TUBGCP3: variants seen among roughly 807,000 people sequenced by gnomAD.
The protein encoded by TUBGCP3 is tubulin gamma complex component 3.
A neutral mutation model predicts 123.1 loss-of-function variants in TUBGCP3; 50 were observed. The observed-to-expected ratio is 0.41, with a 90% CI of 0.32 to 0.51. The LOEUF (loss-of-function observed/expected upper bound fraction) is 0.51, where lower values mean the gene tolerates loss of function less well. Ranked by LOEUF, TUBGCP3 falls within the 20% of genes least tolerant of loss-of-function variation. The probability of loss-of-function intolerance (pLI) is 0.36; values close to 1 mark genes in which losing one functional copy is unlikely to be tolerated. For missense variants in TUBGCP3, 882 were observed against 1,127.0 expected (o/e 0.78, Z 3.11); for synonymous variants, 405 against 413.9 (o/e 0.98, Z 0.26).
chr13:112,532,896 T>C (rs191415098), intron 11 of TUBGCP3, among the ~76,000 whole-genome samples: 4 of 152,368 alleles, frequency 2.6e-5, no homozygotes, highest in East Asian at 3.9e-4. Context: ...ATCCTTTTTA[T>C]TGTTAAAAAG....
chr13:112,525,571 C>A (rs1272376841), intron 13 of TUBGCP3, among the ~76,000 whole-genome samples: 1 of 152,138 alleles, frequency 6.6e-6, no homozygotes, highest in Non-Finnish European at 1.5e-5. Context: ...GCAAATACAG[C>A]CAAAACTGGA....
chr13:112,565,219 A>C (rs1180580751), intron 2 of TUBGCP3, 41 bp from the exon 3 acceptor site: 1 of 1,542,932 alleles, frequency 6.5e-7, no homozygotes, highest in Non-Finnish European at 8.9e-7. Flanking sequence ...AACTACAAAC[A>C]CCAAAATTCA....
intron 20 of TUBGCP3, among the ~76,000 whole-genome samples, chr13:112,496,930 G>A (rs1191916460): frequency 6.6e-6 from 1 of 151,074 alleles, no homozygotes; most frequent in Non-Finnish European, 1.5e-5. Context: ...AGCCTGCAGT[G>A]AGCCGAGATC....
intron 11 of TUBGCP3, among the ~76,000 whole-genome samples, chr13:112,539,970 C>A (rs1878377190): frequency 6.9e-6 from 1 of 145,080 alleles, no homozygotes; most frequent in African/African-American, 2.7e-5. Flanking sequence ...ATGTAGTAGC[C>A]TATGAGCCTT....
chr13:112,543,055 C>T (rs1465232633), intron 11 of TUBGCP3, among the ~76,000 whole-genome samples: 1 of 152,166 alleles, frequency 6.6e-6, no homozygotes, highest in Non-Finnish European at 1.5e-5. Flanking sequence ...GAGGCTGAGG[C>T]AGGAGAACTG....
At chr13:112,555,574 C>T (rs898291230) in intron 6 of TUBGCP3, among the ~76,000 whole-genome samples, 1 of 152,204 alleles carries the variant, frequency 6.6e-6, no homozygotes, top group Admixed American at 6.5e-5. Flanking sequence ...GTATTCATCT[C>T]ACCATTCAGT....
chr13:112,566,964 A>AT (rs1426492308), intron 2 of TUBGCP3, among the ~76,000 whole-genome samples: 7 of 152,246 alleles, frequency 4.6e-5, no homozygotes, highest in African/African-American at 1.4e-4. Flanking sequence ...ACTTCTCCAT[A>AT]TTATTCCAAA....
At chr13:112,510,139 G>A (rs889650183) in intron 17 of TUBGCP3, among the ~76,000 whole-genome samples, 4 of 151,992 alleles carry the variant, frequency 2.6e-5, no homozygotes, top group Non-Finnish European at 5.9e-5. Flanking sequence ...ATCTCCTCCC[G>A]CTTGGGCAGC....
chr13:112,576,846 T>C (rs1321744970), intron 1 of TUBGCP3, among the ~76,000 whole-genome samples: 2 of 138,924 alleles, frequency 1.4e-5, no homozygotes, highest in Non-Finnish European at 3.1e-5. Flanking sequence ...GTTTATATGA[T>C]AAAATCTGGA....
rs1566547681 is a variant in TUBGCP3 at position 112,519,838 on chromosome 13, G to A, written c.1881+48C>T. On this transcript the variant is annotated intron_variant, in intron 15 of 21. Coordinates refer to ENST00000261965, the MANE Select transcript of TUBGCP3 (RefSeq NM_006322.6). This position sits in a 1 kb window ranked among gnomAD's most constrained non-coding sequence, Gnocchi z 6.2. ...ACTCGCTAGAACACCCCGGCCCAGTGGGTCCTCGGTGCCGGGGCGGCGTTC... is the reference window on the plus strand; with the variant it reads ...ACTCGCTAGAACACCCCGGCCCAGTAGGTCCTCGGTGCCGGGGCGGCGTTC... The A allele has an allele frequency of 1.3e-6, 2 of 1,591,436 alleles. No individual in the cohort carries two copies. Among genetic ancestry groups the A allele is most frequent in the Non-Finnish European group, 1.7e-6 (2 of 1,167,118 alleles).
rs1396321139 is a variant in TUBGCP3, at chr13:112,494,019, C to T, written c.2449-4322G>A. On this transcript the variant is annotated intron_variant, in intron 20 of 21. Coordinates refer to ENST00000261965, the MANE Select transcript of TUBGCP3 (RefSeq NM_006322.6). ...TAGCTTTGGGAACAGGGCCTGGTGT[C>T]CCTGAGACACTCTAGCTTTGGGAAT... Among the ~76,000 whole-genome samples, 5 of 120,828 alleles carry T rather than the reference C, an allele frequency of 4.1e-5. No homozygotes were observed. In the South Asian group the frequency reaches 1.4e-3, roughly 33 times the overall value. 79.3% of individuals were successfully genotyped at this position (120,828 alleles called of 152,430 possible).
chr13:112,507,963 T>C (rs891802928), intron 17 of TUBGCP3, among the ~76,000 whole-genome samples: 1 of 152,186 alleles, frequency 6.6e-6, no homozygotes, highest in African/African-American at 2.4e-5. Context: ...TGCTACTGAA[T>C]GGCCACAAAA....
intron 9 of TUBGCP3, 130 bp downstream of exon 9, chr13:112,547,978 C>T: frequency 3.3e-6 from 3 of 908,810 alleles, no homozygotes; most frequent in East Asian, 5.4e-5. Context: ...TCAAACCTTA[C>T]AAATAATATT....
At chr13:112,489,041 C>T (rs1879885640) in intron 21 of TUBGCP3, among the ~76,000 whole-genome samples, 1 of 137,568 alleles carries the variant, frequency 7.3e-6, no homozygotes, top group South Asian at 2.4e-4. Context: ...GTCCCCACAT[C>T]CCACCACAGT....
At chr13:112,530,898 G>T (rs1877519049) in intron 11 of TUBGCP3, among the ~76,000 whole-genome samples, 1 of 152,080 alleles carries the variant, frequency 6.6e-6, no homozygotes. Flanking sequence ...CTCTGTATGT[G>T]CTTATGTGAT....
chr13:112,498,687 G>T, intron 20 of TUBGCP3: 1 of 1,328,670 alleles, frequency 7.5e-7, no homozygotes, highest in Non-Finnish European at 1.0e-6. Flanking sequence ...AATGCAGCAT[G>T]GTGCACGATC....
At chr13:112,569,990 C>T (rs1452643458) in intron 1 of TUBGCP3, among the ~76,000 whole-genome samples, 1 of 152,068 alleles carries the variant, frequency 6.6e-6, no homozygotes, top group Admixed American at 6.5e-5. Flanking sequence ...AGAGCCCAGG[C>T]AGGCTCAGGA....
chr13:112,521,519 G>A (rs1459470861), intron 14 of TUBGCP3: 12 of 247,874 alleles, frequency 4.8e-5, no homozygotes, highest in Non-Finnish European at 7.7e-5. Flanking sequence ...TCTGAAGTGG[G>A]CCCACAAGCT....
In TUBGCP3 at chr13:112,558,507, A is replaced by G. The variant is rs989831788; in HGVS notation, c.331-94T>C. The G allele has an allele frequency of 6.2e-6, 7 of 1,127,270 alleles. No individual in the cohort carries two copies. The African/African-American group carries it at 1.1e-4, about 17-fold the overall frequency. The allele number at this position is 1,127,270 out of a possible 1,614,324, so 69.8% of individuals were successfully genotyped here. A position where few individuals can be genotyped will look rare whatever the true frequency, so the allele number is the denominator to read the frequency against. ...TCATTTATATTCAGATTTTCCTTCT[A>G]TTTCTGTAACTGGATTTGGGTTCCA... is the stretch of plus-strand genomic sequence containing the variant. On this transcript the variant is annotated intron_variant, in intron 4 of 21. Transcript: ENST00000261965.
Sources: allele counts gnomAD v4.1 joint callset (sites outside exome capture counted in the v4.1 genomes callset), GRCh38; gene constraint gnomAD v4.1.1; non-coding constraint Gnocchi (gnomAD v3.1); transcripts MANE v1.5; gene names NCBI Gene and HGNC (gene_info 2026-07-23, HGNC 2026-07-21).